Variants in NUMA1 observed in about 807,000 individuals in gnomAD.
NUMA1 encodes nuclear mitotic apparatus protein 1.
A neutral mutation model predicts 237.1 loss-of-function variants in NUMA1; 62 were observed. The observed-to-expected ratio is 0.26, with a 90% CI of 0.21 to 0.32. The LOEUF is 0.32. NUMA1 is among the 10% of genes least tolerant of loss of function. The probability of loss-of-function intolerance (pLI) is 1.00; values close to 1 mark genes in which losing one functional copy is unlikely to be tolerated. For missense variants in NUMA1, 2,533 were observed against 2,666.5 expected (o/e 0.95, Z 1.10); for synonymous variants, 1,028 against 1,066.1 (o/e 0.96, Z 0.70).
chr11:72,057,487 T>C (rs1942717860), intron 2 of NUMA1, among the ~76,000 whole-genome samples: 1 of 152,260 alleles, frequency 6.6e-6, no homozygotes, highest in African/African-American at 2.4e-5. Context: ...CTCATGCCTA[T>C]AATCCCAGCA....
At chr11:72,042,988 G>T (rs1395417291) in intron 2 of NUMA1, among the ~76,000 whole-genome samples, 2 of 152,034 alleles carry the variant, frequency 1.3e-5, no homozygotes, top group South Asian at 4.1e-4. Flanking sequence ...CGGGTGTGGT[G>T]GCCCGCACCT....
At chr11:72,019,009 G>T in intron 9 of NUMA1, 29 bp from the exon 10 acceptor site, 1 of 1,611,264 alleles carries the variant, frequency 6.2e-7, no homozygotes, top group Non-Finnish European at 8.5e-7. Flanking sequence ...CATATGCATT[G>T]GTAAGCGCCT....
chr11:72,062,002 A>T (rs1427223105), intron 2 of NUMA1, among the ~76,000 whole-genome samples: 1 of 152,178 alleles, frequency 6.6e-6, no homozygotes, highest in Non-Finnish European at 1.5e-5. Context: ...AAGCAGCTGC[A>T]CATTTCCAGC....
At chr11:72,079,630 A>C (rs1390117609) in intron 1 of NUMA1, among the ~76,000 whole-genome samples, 1 of 151,694 alleles carries the variant, frequency 6.6e-6, no homozygotes, top group African/African-American at 2.4e-5. Context: ...GCTCCCGCCC[A>C]CCCACAATCT....
At chr11:72,004,887 A>G in intron 23 of NUMA1, 71 bp from the exon 24 acceptor site, 1 of 1,413,872 alleles carries the variant, frequency 7.1e-7, no homozygotes, top group Non-Finnish European at 9.5e-7. Flanking sequence ...GGGCTGTCCC[A>G]GAACTCTACA....
Position 72,003,476 on chromosome 11 carries a change from G to A in NUMA1, c.*51C>T. On this transcript the variant is annotated 3_prime_UTR_variant, in exon 27 of 27. Transcript: ENST00000393695. ...AGAGGGACAGTAGGCGGAGGACCAGGTGAGGTCAGCATCGGGGACACAGGT... is the reference window on the plus strand; with the variant it reads ...AGAGGGACAGTAGGCGGAGGACCAGATGAGGTCAGCATCGGGGACACAGGT... 1.3e-6 allele frequency: 2 copies of A among 1,585,500 alleles called. No individual in the cohort carries two copies. Among genetic ancestry groups the A allele is most frequent in the Non-Finnish European group, 1.7e-6 (2 of 1,153,730 alleles).
chr11:72,009,395 G>A lies in NUMA1; in HGVS notation c.4720-8C>T. ...TCCCTGAGCCTGGACAGCCTGAGAAGAAAGGCCACTCAGGAAAGCTGGTCT... is the reference window on the plus strand; with the variant it reads ...TCCCTGAGCCTGGACAGCCTGAGAAAAAAGGCCACTCAGGAAAGCTGGTCT... On this transcript the variant is annotated splice_polypyrimidine_tract_variant and splice_region_variant and intron_variant, in intron 17 of 26. Coordinates refer to ENST00000393695, the MANE Select transcript of NUMA1 (RefSeq NM_006185.4). 1.3e-6 allele frequency: 2 copies of A among 1,597,112 alleles called. No homozygotes were observed. The highest frequency in any genetic ancestry group is 2.2e-5 in the South Asian group (2 of 90,084).
chr11:72,045,576 TCAAA>T (rs1941949343), intron 2 of NUMA1, among the ~76,000 whole-genome samples: 1 of 152,162 alleles, frequency 6.6e-6, no homozygotes. Context: ...CCTCCTGGGC[TCAAA>T]CAATCCTCCC....
chr11:72,010,896 C>A, intron 16 of NUMA1, 42 bp from the exon 17 acceptor site: 1 of 1,557,216 alleles, frequency 6.4e-7, no homozygotes, highest in East Asian at 2.2e-5. Context: ...GGAGGACTTC[C>A]CCTGGATGTT....
At chr11:72,034,192 T>A (rs1332785375) in intron 3 of NUMA1, among the ~76,000 whole-genome samples, 1 of 152,158 alleles carries the variant, frequency 6.6e-6, no homozygotes, top group Non-Finnish European at 1.5e-5. Flanking sequence ...TACTAAAATA[T>A]CCTGTGTCAA....
chr11:72,004,782 T>A lies in NUMA1; in HGVS notation c.5864A>T (p.Glu1955Val). Residue 1955 changes from glutamate (E) to valine (V), a missense_variant, in exon 24 of 27, where the codon GAG becomes GTG. Glu to Val is a moderately radical substitution (Grantham distance 121). Around this residue, in one of 3 missense-constraint regions of NUMA1, gnomAD observed 795 missense variants for 750.8 expected, o/e 1.06. Transcript: ENST00000393695. ...CTCTTGGGGGTCTCCAGTTTTCATC[T>A]CCTCATCTGTGATGGTGCCCAGGCT... ...SLSLGTITDEEMKTGDPQETL... is the reference protein window; with the variant it reads ...SLSLGTITDEVMKTGDPQETL... The A allele has an allele frequency of 6.3e-7, 1 of 1,593,760 alleles. No homozygotes were observed. Among genetic ancestry groups the A allele is most frequent in the South Asian group, 1.1e-5 (1 of 88,016 alleles).
At chr11:72,008,097 A>G (rs1330930464) in intron 20 of NUMA1, 1 of 478,612 alleles carries the variant, frequency 2.1e-6, no homozygotes, top group South Asian at 1.5e-5. Context: ...CCTACCTCAG[A>G]GGGTTGTTGG....
In NUMA1 at chr11:72,015,391, G is replaced by C; in HGVS notation, c.2112C>G (p.Leu704=). Residue 704 remains leucine, a synonymous_variant, in exon 15 of 27, where the codon CTC becomes CTG. Coordinates refer to ENST00000393695, the MANE Select transcript of NUMA1 (RefSeq NM_006185.4). This position sits in a 1 kb window ranked among gnomAD's most constrained non-coding sequence, Gnocchi z 4.0. ...AQEKDQLQEQ[L]QALKESLKVT... ...CCTTCAAGGACTCTTTGAGGGCCTG[G>C]AGCTGCTCCTGGAGCTGGTCCTTCT... 1 of 1,612,142 alleles carries C rather than the reference G, an allele frequency of 6.2e-7. No individual in the cohort carries two copies. The highest frequency in any genetic ancestry group is 8.5e-7 in the Non-Finnish European group (1 of 1,180,008).
intron 22 of NUMA1, 188 bp from the exon 23 acceptor site, chr11:72,005,557 C>T: frequency 5.2e-6 from 3 of 573,026 alleles, no homozygotes; most frequent in Admixed American, 7.2e-5. Context: ...GCTTGCTCAC[C>T]ACCTTCTCCC....
chr11:72,041,808 C>G (rs1394212541), intron 2 of NUMA1: 2 of 152,306 alleles, frequency 1.3e-5, no homozygotes, highest in African/African-American at 4.8e-5. Flanking sequence ...CCGAGGGAAT[C>G]TCTCCAGCCC....
At chr11:72,049,541 T>TAAA (rs386374127) in intron 2 of NUMA1, 328 of 18,824 alleles carry the variant, frequency 0.017, 9 homozygotes, top group African/African-American at 0.033. Flanking sequence ...AGAACCTGTC[T>TAAA]AAAAAAAAAA....
intron 15 of NUMA1, 120 bp downstream of exon 15, chr11:72,012,775 G>C: frequency 7.2e-7 from 1 of 1,392,190 alleles, no homozygotes; most frequent in Non-Finnish European, 9.7e-7. Context: ...CTGCCACCCA[G>C]TGAATGAGGA....
Position 72,007,342 on chromosome 11 carries a change from C to T in NUMA1, c.5310G>A (p.Leu1770=), listed in dbSNP as rs758777851. The T allele has an allele frequency of 8.1e-6, 13 of 1,613,624 alleles. No individual in the cohort carries two copies. Among genetic ancestry groups the T allele is most frequent in the Non-Finnish European group, 1.1e-5 (13 of 1,179,842 alleles). The change falls in exon 21 of 27, where the codon CTG becomes CTA. Residue 1770 remains leucine (L), a synonymous_variant. Coordinates refer to ENST00000393695, the MANE Select transcript of NUMA1 (RefSeq NM_006185.4). Reference sequence around the variant, plus strand: ...GGATGGGAGTGAAGTAGAGACTCTCCAGGGATTCTACCTTGGGGGGCAGGC... The same window carrying T: ...GGATGGGAGTGAAGTAGAGACTCTCTAGGGATTCTACCTTGGGGGGCAGGC... ...SQRLPPKVES[L]ESLYFTPIPA... is the part of the protein sequence containing the mutation.
intron 2 of NUMA1, among the ~76,000 whole-genome samples, chr11:72,045,085 C>T (rs929488432): frequency 6.6e-6 from 1 of 152,152 alleles, no homozygotes; most frequent in Non-Finnish European, 1.5e-5. Flanking sequence ...AATGGAAATT[C>T]CTCAAGGGCA....
Sources: allele counts gnomAD v4.1 joint callset (sites outside exome capture counted in the v4.1 genomes callset), GRCh38; gene constraint gnomAD v4.1.1; regional missense constraint gnomAD v4.1.1; non-coding constraint Gnocchi (gnomAD v3.1); transcripts MANE v1.5; gene names NCBI Gene and HGNC (gene_info 2026-07-23, HGNC 2026-07-21).